The following PCDH15 variants were observed in gnomAD, a reference collection of about 807,000 sequenced individuals.
PCDH15 encodes the protein protocadherin related 15.
PCDH15 carries 129 observed loss-of-function variants against 178.5 expected under a neutral mutation model. That is an observed-to-expected ratio of 0.72 (90% CI 0.63 to 0.84). The LOEUF (loss-of-function observed/expected upper bound fraction) is 0.84, where lower values mean the gene tolerates loss of function less well. PCDH15 is among the 40% of genes least tolerant of loss of function. PCDH15 has a pLI of 0.00. For synonymous variants in PCDH15, 800 were observed against 732.0 expected, an observed-to-expected ratio of 1.09 and a Z score of -1.50; for missense variants, 2,230 against 2,099.9, an observed-to-expected ratio of 1.06 and a Z score of -1.21.
intron 2 of PCDH15, among the ~76,000 whole-genome samples, chr10:54,621,299 A>G (rs903806031): frequency 6.6e-6 from 1 of 152,024 alleles, no homozygotes; most frequent in African/African-American, 2.4e-5. Context: ...TATTAATAAA[A>G]TACATCCTCT....
chr10:54,548,893 C>T (rs1274158222), intron 2 of PCDH15, among the ~76,000 whole-genome samples: 1 of 150,738 alleles, frequency 6.6e-6, no homozygotes, highest in African/African-American at 2.4e-5. Context: ...ATTGCTAGTG[C>T]TAGAATTTAG....
intron 2 of PCDH15, chr10:55,513,282 T>C (rs910204279): frequency 6.6e-6 from 1 of 152,110 alleles, no homozygotes; most frequent in African/African-American, 2.4e-5. Context: ...CCCTGCCTCA[T>C]TGATGACATC....
At chr10:55,235,706 A>G (rs1040529224) in intron 1 of PCDH15, among the ~76,000 whole-genome samples, 3 of 152,000 alleles carry the variant, frequency 2.0e-5, no homozygotes, top group Non-Finnish European at 2.9e-5. Flanking sequence ...CAAAAGTTCC[A>G]GACCAGCCTG....
intron 2 of PCDH15, among the ~76,000 whole-genome samples, chr10:54,960,042 G>A (rs1052402550): frequency 6.6e-6 from 1 of 152,088 alleles, no homozygotes; most frequent in African/African-American, 2.4e-5. Flanking sequence ...ACTCAAATTT[G>A]AAGCGTCCAG....
chr10:54,059,681 G>A (rs2093974343), intron 18 of PCDH15, among the ~76,000 whole-genome samples: 1 of 152,154 alleles, frequency 6.6e-6, no homozygotes. Context: ...TGGTGCTGAT[G>A]CTGATGCTGA....
rs116701707 is a variant in PCDH15 at position 55,432,057 on chromosome 10, T to C, written c.-156+195568A>G. Among the ~76,000 whole-genome samples the C allele has an allele frequency of 6.9e-3, 1,036 of 149,494 alleles. 14 individuals are homozygous for C. Among genetic ancestry groups the C allele is most frequent in the African/African-American group, 0.024 (994 of 40,940 alleles). On this transcript the variant is annotated intron_variant, in intron 2 of 5. Coordinates refer to the PCDH15 transcript ENST00000613346. ...AAAAAAATAAAGAAAGCAAGAGTAA[T>C]TGGGATAGGCAGAGCTATCATTTAA...
At chr10:55,576,757 C>T (rs912383960) in intron 2 of PCDH15, among the ~76,000 whole-genome samples, 5 of 150,084 alleles carry the variant, frequency 3.3e-5, no homozygotes, top group African/African-American at 1.2e-4. Context: ...AAAATGAAAA[C>T]ATAGAGTTGG....
intron 18 of PCDH15, among the ~76,000 whole-genome samples, chr10:54,053,063 A>G (rs2093812304): frequency 6.6e-6 from 1 of 152,140 alleles, no homozygotes; most frequent in African/African-American, 2.4e-5. Flanking sequence ...TCCTTTATAA[A>G]TTCCCCAGTC....
At position 54,996,638 on chromosome 10, in the gene PCDH15, T is replaced by C. The variant is rs1436760645; in HGVS notation, c.-79-99138A>G. On this transcript the variant is annotated intron_variant, in intron 2 of 5. Coordinates refer to the PCDH15 transcript ENST00000458638. ...ATCTTTGAAGGTCTTTAAATGGTAC[T>C]GTTGTCTTACAATTGGATTCATTTT... 5.9e-5 allele frequency among the ~76,000 whole-genome samples: 9 copies of C among 152,156 alleles called. No individual in the cohort carries two copies. The South Asian group carries it at 1.7e-3, about 28-fold the overall frequency.
At chr10:54,746,050 A>G (rs375538341) in intron 1 of PCDH15, among the ~76,000 whole-genome samples, 25 of 152,240 alleles carry the variant, frequency 1.6e-4, no homozygotes, top group East Asian at 9.7e-4. Context: ...TTTTCCACCT[A>G]TTAATTTGTT....
At chr10:55,509,069 ACAGT>A (rs567259316) in intron 2 of PCDH15, among the ~76,000 whole-genome samples, 84 of 151,930 alleles carry the variant, frequency 5.5e-4, no homozygotes, top group African/African-American at 2.0e-3. Flanking sequence ...TACATGACAG[ACAGT>A]CAGAGAAAGC....
In PCDH15 at chr10:55,084,487, T is replaced by C. The variant is rs192665021; in HGVS notation, c.-80+82089A>G. ...TAAAAAAAAAACTAAAAGAAAACTT[T>C]TGGAAAACTCTCCAGGACATAGATC... On this transcript the variant is annotated intron_variant, in intron 2 of 5. Transcript: ENST00000458638. 2.1e-3 allele frequency among the ~76,000 whole-genome samples: 298 copies of C among 144,434 alleles called. 1 individual carries two copies. The highest frequency in any genetic ancestry group is 7.5e-3 in the African/African-American group (289 of 38,714). 94.8% of individuals were successfully genotyped at this position (144,434 alleles called of 152,430 possible).
chr10:55,504,578 C>A (rs548456003), intron 2 of PCDH15, among the ~76,000 whole-genome samples: 1 of 150,958 alleles, frequency 6.6e-6, no homozygotes, highest in African/African-American at 2.4e-5. Flanking sequence ...CATTTCTCAT[C>A]ATATAAAAAA....
At chr10:54,517,538 C>G (rs995515094) in intron 3 of PCDH15, among the ~76,000 whole-genome samples, 2 of 152,062 alleles carry the variant, frequency 1.3e-5, no homozygotes, top group African/African-American at 4.8e-5. Flanking sequence ...GCACCCAATA[C>G]AGGAGCACCC....
chr10:53,826,440 A>G (rs2076684975), intron 32 of PCDH15, among the ~76,000 whole-genome samples: 1 of 151,998 alleles, frequency 6.6e-6, no homozygotes, highest in Non-Finnish European at 1.5e-5. Flanking sequence ...TCTTATTGCT[A>G]CTAGTAACTG....
At chr10:53,881,236 T>C (rs1382179808) in intron 26 of PCDH15, among the ~76,000 whole-genome samples, 1 of 152,072 alleles carries the variant, frequency 6.6e-6, no homozygotes, top group African/African-American at 2.4e-5. Flanking sequence ...TTCTTACTTA[T>C]ACGTGGGAGC....
chr10:54,911,426 G>T (rs1954817700), intron 2 of PCDH15, among the ~76,000 whole-genome samples: 1 of 152,142 alleles, frequency 6.6e-6, no homozygotes, highest in South Asian at 2.1e-4. Context: ...CAGGTTCAAA[G>T]AATGATAACA....
chr10:55,431,766 A>G (rs564905836), intron 2 of PCDH15, among the ~76,000 whole-genome samples: 1 of 152,118 alleles, frequency 6.6e-6, no homozygotes, highest in South Asian at 2.1e-4. Flanking sequence ...AAAAGGAATG[A>G]CAATAATACT....
At chr10:55,623,172 T>A (rs531146173) in intron 2 of PCDH15, among the ~76,000 whole-genome samples, 84 of 152,284 alleles carry the variant, frequency 5.5e-4, no homozygotes, top group African/African-American at 2.0e-3. Flanking sequence ...TCTACACAAG[T>A]TATTTCTTAT....
Sources: gnomAD v4.1 joint callset for allele counts (sites outside exome capture counted in the v4.1 genomes callset) on GRCh38, gnomAD v4.1.1 for gene constraint, MANE v1.5 for transcripts, NCBI Gene and HGNC (gene_info 2026-07-23, HGNC 2026-07-21) for gene names.